Variants in CSMD2 observed in about 807,000 individuals in gnomAD.
The protein encoded by CSMD2 is CUB and Sushi multiple domains 2.
Under a neutral mutation model 398.5 loss-of-function variants are expected in CSMD2, and 130 were observed. That is an observed-to-expected ratio of 0.33 (90% CI 0.28 to 0.38). The LOEUF is 0.38. CSMD2 is among the 10% of genes least tolerant of loss of function. The pLI is 1.00. For synonymous variants in CSMD2, 1,828 were observed against 1,908.5 expected, an observed-to-expected ratio of 0.96 and a Z score of 1.10; for missense variants, 3,829 against 4,764.9, an observed-to-expected ratio of 0.80 and a Z score of 5.78.
rs74068670 is a variant in CSMD2, at chr1:33,979,630, A to G, written c.518-43676T>C. Among the ~76,000 whole-genome samples, 872 of 152,298 alleles carry G rather than the reference A, an allele frequency of 5.7e-3. 13 individuals carry two copies. Among genetic ancestry groups the G allele is most frequent in the African/African-American group, 0.019 (807 of 41,572 alleles). On this transcript the variant is annotated intron_variant, in intron 3 of 70. Coordinates refer to ENST00000373381, the MANE Select transcript of CSMD2 (RefSeq NM_001281956.2). The stretch of plus-strand genomic sequence containing the variant: ...AGCCCACAGAGCCTAAATCACTACA[A>G]GAAAGGAAAGAGAAGGGAGACAGCA...
At chr1:33,826,357 A>G (rs1658821502) in intron 6 of CSMD2, among the ~76,000 whole-genome samples, 1 of 152,076 alleles carries the variant, frequency 6.6e-6, no homozygotes, top group African/African-American at 2.4e-5. Flanking sequence ...TGGCCATGGG[A>G]AATTTGGAGG....
At chr1:33,596,706 C>A (rs932673335) in intron 44 of CSMD2, among the ~76,000 whole-genome samples, 1 of 152,162 alleles carries the variant, frequency 6.6e-6, no homozygotes, top group Non-Finnish European at 1.5e-5. Flanking sequence ...ATCATGAGAA[C>A]AGGATGGAGG....
intron 10 of CSMD2, among the ~76,000 whole-genome samples, chr1:33,805,279 T>C (rs1207419434): frequency 6.6e-6 from 1 of 152,236 alleles, no homozygotes; most frequent in Non-Finnish European, 1.5e-5. Context: ...TATGATTTCA[T>C]GGTATTAAGT....
chr1:33,939,078 C>T (rs925633654), intron 3 of CSMD2, among the ~76,000 whole-genome samples: 1 of 151,842 alleles, frequency 6.6e-6, no homozygotes. Context: ...CTTGATACTT[C>T]CCATGATCTG....
At chr1:34,157,781 A>T (rs1414880739) in intron 1 of CSMD2, among the ~76,000 whole-genome samples, 2 of 151,322 alleles carry the variant, frequency 1.3e-5, no homozygotes, top group African/African-American at 4.9e-5. Context: ...CCCAACTTAC[A>T]CCTTCCTACT....
At chr1:33,998,229 T>TG (rs774477090) in intron 3 of CSMD2, among the ~76,000 whole-genome samples, 5 of 152,076 alleles carry the variant, frequency 3.3e-5, no homozygotes, top group Non-Finnish European at 7.4e-5. Flanking sequence ...TCAGGTCTCT[T>TG]GCTCTGTGCT....
At chr1:33,799,046 ATCCTTCACT>A (rs2124911865) in intron 10 of CSMD2, among the ~76,000 whole-genome samples, 1 of 152,304 alleles carries the variant, frequency 6.6e-6, no homozygotes, top group South Asian at 2.1e-4. Context: ...TCTGCAGCCC[ATCCTTCACT>A]CTGTACCAAA....
intron 28 of CSMD2, among the ~76,000 whole-genome samples, chr1:33,650,060 C>G (rs369340869): frequency 6.6e-6 from 1 of 152,136 alleles, no homozygotes; most frequent in Non-Finnish European, 1.5e-5. Context: ...TGAAAGTCAC[C>G]GGCGAAGGGT....
chr1:34,150,987 G>A (rs1398162450), intron 1 of CSMD2, among the ~76,000 whole-genome samples: 1 of 152,124 alleles, frequency 6.6e-6, no homozygotes, highest in African/African-American at 2.4e-5. Flanking sequence ...GATAAAGGGG[G>A]GGCGGGGGAT....
chr1:34,127,114 AC>A (rs1363152278), intron 1 of CSMD2, among the ~76,000 whole-genome samples: 7 of 152,142 alleles, frequency 4.6e-5, no homozygotes, highest in African/African-American at 1.7e-4. Flanking sequence ...GCGGAAGGCA[AC>A]GAGGGCATGA....
At chr1:33,748,008 G>C (rs1344361159) in intron 13 of CSMD2, among the ~76,000 whole-genome samples, 1 of 152,152 alleles carries the variant, frequency 6.6e-6, no homozygotes, top group East Asian at 1.9e-4. Flanking sequence ...CTTTTCTTAT[G>C]CCAAGAGTTT....
At chr1:33,763,261 C>T (rs1423104386) in intron 13 of CSMD2, among the ~76,000 whole-genome samples, 1 of 152,146 alleles carries the variant, frequency 6.6e-6, no homozygotes, top group African/African-American at 2.4e-5. Flanking sequence ...AGAACTGACA[C>T]AAAACTTTCC....
chr1:33,926,090 T>C (rs143412163), intron 4 of CSMD2, among the ~76,000 whole-genome samples: 139 of 152,324 alleles, frequency 9.1e-4, no homozygotes, highest in Non-Finnish European at 1.6e-3. Flanking sequence ...ATCAATTATA[T>C]CATTACTTAG....
intron 3 of CSMD2, among the ~76,000 whole-genome samples, chr1:34,021,176 T>C (rs546710387): frequency 6.6e-6 from 1 of 152,292 alleles, no homozygotes; most frequent in East Asian, 1.9e-4. Flanking sequence ...GACTGAAATA[T>C]TCAATTTGAC....
intron 3 of CSMD2, among the ~76,000 whole-genome samples, chr1:33,962,348 G>A (rs1461409055): frequency 6.6e-6 from 1 of 152,040 alleles, no homozygotes; most frequent in Admixed American, 6.6e-5. Context: ...AAAGAGTTGG[G>A]GGTTTAGGGG....
At chr1:33,870,123 G>A (rs537160581) in intron 5 of CSMD2, 2 of 152,288 alleles carry the variant, frequency 1.3e-5, no homozygotes, top group South Asian at 2.1e-4. Flanking sequence ...TCAGGTCTGT[G>A]GATGGGGTGA....
At chr1:33,722,593 G>A (rs566345649) in intron 19 of CSMD2, among the ~76,000 whole-genome samples, 7 of 152,058 alleles carry the variant, frequency 4.6e-5, no homozygotes, top group South Asian at 2.1e-4. Flanking sequence ...CTCATTTTGC[G>A]GGCTGGTTTG....
At chr1:33,586,480 A>T in intron 46 of CSMD2, 24 bp downstream of exon 46, 1 of 1,491,578 alleles carries the variant, frequency 6.7e-7, no homozygotes, top group Non-Finnish European at 9.4e-7. Context: ...TAGGCCCCAT[A>T]CAGATGCGGC....
intron 1 of CSMD2, among the ~76,000 whole-genome samples, chr1:34,149,908 CACCCAGG>C (rs1338269561): frequency 2.0e-5 from 3 of 152,154 alleles, no homozygotes; most frequent in Non-Finnish European, 4.4e-5. Context: ...TGCTCAAAGA[CACCCAGG>C]ACCTGAGCCC....
Sources: allele counts gnomAD v4.1 joint callset (sites outside exome capture counted in the v4.1 genomes callset), GRCh38; gene constraint gnomAD v4.1.1; transcripts MANE v1.5; gene names NCBI Gene and HGNC (gene_info 2026-07-23, HGNC 2026-07-21).